Variants in DOCK1 observed in about 807,000 individuals in gnomAD.
The protein encoded by DOCK1 is dedicator of cytokinesis 1, also known as dedicator of cytokinesis protein 1.
Under a neutral mutation model 262.7 loss-of-function variants are expected in DOCK1, and 138 were observed. That is an observed-to-expected ratio of 0.53 (90% CI 0.46 to 0.61). The LOEUF (loss-of-function observed/expected upper bound fraction) is 0.61. Ranked by LOEUF, DOCK1 falls within the 20% of genes least tolerant of loss-of-function variation. DOCK1 has a pLI of 0.00. For missense variants in DOCK1, 1,908 were observed against 2,370.7 expected, an observed-to-expected ratio of 0.80 and a Z score of 4.05; for synonymous variants, 866 against 867.4, an observed-to-expected ratio of 1.00 and a Z score of 0.03.
chr10:127,121,734 G>A (rs535385471), intron 25 of DOCK1, among the ~76,000 whole-genome samples: 38 of 152,294 alleles, frequency 2.5e-4, no homozygotes, highest in Non-Finnish European at 5.3e-4. Context: ...TAGTGCAGCT[G>A]TAAGGCTTTA....
chr10:126,995,457 G>A lies in DOCK1; in HGVS notation c.474-1291G>A, dbSNP rs558427468. 2.7e-3 allele frequency among the ~76,000 whole-genome samples: 410 copies of A among 152,332 alleles called. 8 individuals are homozygous for A. The South Asian group carries it at 0.037, about 14-fold the overall frequency. ...AGCTGGAGACCAGCCGGGCCAACCC[G>A]GTGAAACCCCGTCTCCATCAAAAAA... On this transcript the variant is annotated intron_variant, in intron 6 of 51. Transcript: ENST00000623213. This position sits in a 1 kb window ranked among gnomAD's most constrained non-coding sequence, Gnocchi z 5.8.
intron 30 of DOCK1, among the ~76,000 whole-genome samples, chr10:127,340,679 G>A (rs1395459458): frequency 6.6e-6 from 1 of 152,106 alleles, no homozygotes; most frequent in Non-Finnish European, 1.5e-5. Context: ...CATGATTTTA[G>A]CAATTTGCCA....
chr10:127,104,473 T>G (rs1453595803), intron 23 of DOCK1, among the ~76,000 whole-genome samples: 7 of 152,220 alleles, frequency 4.6e-5, no homozygotes, highest in Non-Finnish European at 1.0e-4. Context: ...GTTTATTTAT[T>G]TGCTCATGGT....
chr10:127,253,490 C>G (rs954655973), intron 28 of DOCK1, among the ~76,000 whole-genome samples: 6 of 152,192 alleles, frequency 3.9e-5, no homozygotes, highest in Non-Finnish European at 8.8e-5. Context: ...AAGGGCTTAT[C>G]TGACCTTACT....
intron 31 of DOCK1, among the ~76,000 whole-genome samples, chr10:127,345,075 G>A (rs2386832): frequency 0.4 from 60,643 of 151,812 alleles, 12,996 homozygotes; most frequent in Middle Eastern, 0.54. Flanking sequence ...AGGCTATACC[G>A]TATGGCCGAT....
chr10:127,219,922 A>C (rs2058361784), intron 27 of DOCK1, among the ~76,000 whole-genome samples: 1 of 152,144 alleles, frequency 6.6e-6, no homozygotes, highest in Admixed American at 6.5e-5. Context: ...ACACCCTGGC[A>C]GTCCTGTGCA....
chr10:127,307,583 G>A (rs1048047733), intron 29 of DOCK1, among the ~76,000 whole-genome samples: 4 of 152,180 alleles, frequency 2.6e-5, no homozygotes, highest in African/African-American at 9.6e-5. Flanking sequence ...GGCCTGGCCT[G>A]GGGCAGAACA....
chr10:127,127,143 T>G (rs2050015132), intron 26 of DOCK1, among the ~76,000 whole-genome samples: 1 of 152,214 alleles, frequency 6.6e-6, no homozygotes, highest in African/African-American at 2.4e-5. Flanking sequence ...AGATTCATAG[T>G]TCACGAAGAA....
At chr10:127,123,098 C>A (rs966735844) in intron 25 of DOCK1, among the ~76,000 whole-genome samples, 1 of 152,226 alleles carries the variant, frequency 6.6e-6, no homozygotes, top group Non-Finnish European at 1.5e-5. Context: ...TCCTTCCAGC[C>A]TGTACTGGCT....
chr10:127,275,752 G>T, intron 29 of DOCK1, among the ~76,000 whole-genome samples: 1 of 134,850 alleles, frequency 7.4e-6, no homozygotes, highest in Non-Finnish European at 1.7e-5. Context: ...GTGTCAACCT[G>T]TGTGTAGATG....
chr10:126,975,206 G>A (rs1167368189), intron 2 of DOCK1, among the ~76,000 whole-genome samples: 12 of 152,102 alleles, frequency 7.9e-5, no homozygotes, highest in Non-Finnish European at 1.5e-4. Flanking sequence ...TAACTGCATC[G>A]TGTGCACATT....
Position 127,289,513 on chromosome 10 carries a change from G to A in DOCK1, c.3044+32084G>A, listed in dbSNP as rs531227639. Reference sequence around the variant, plus strand: ...ATGTAATTGGAAGGCAAATGCATATGACAATTTTGGTAAATAATACTCAAT... The same window carrying A: ...ATGTAATTGGAAGGCAAATGCATATAACAATTTTGGTAAATAATACTCAAT... On this transcript the variant is annotated intron_variant, in intron 29 of 51. Coordinates refer to ENST00000623213, the MANE Select transcript of DOCK1 (RefSeq NM_001290223.2). Among the ~76,000 whole-genome samples the A allele has an allele frequency of 7.9e-5, 12 of 152,206 alleles. No homozygotes were observed. The East Asian group carries it at 2.1e-3, about 27-fold the overall frequency.
chr10:127,362,701 A>G (rs943768502), intron 33 of DOCK1, among the ~76,000 whole-genome samples: 28 of 152,188 alleles, frequency 1.8e-4, no homozygotes, highest in Admixed American at 8.5e-4. Flanking sequence ...TGCTCAAAAC[A>G]TACTGTGACA....
At chr10:127,313,001 C>G (rs1450968813) in intron 29 of DOCK1, among the ~76,000 whole-genome samples, 7 of 152,286 alleles carry the variant, frequency 4.6e-5, no homozygotes, top group Non-Finnish European at 8.8e-5. Context: ...GCCTTGGCTC[C>G]CTGGCCCCTC....
intron 29 of DOCK1, among the ~76,000 whole-genome samples, chr10:127,263,939 G>T: frequency 6.6e-6 from 1 of 152,128 alleles, no homozygotes; most frequent in African/African-American, 2.4e-5. Context: ...GGAATGACCT[G>T]GTAGGAAGTG....
intron 10 of DOCK1, among the ~76,000 whole-genome samples, chr10:127,002,956 C>G (rs1286382495): frequency 6.6e-6 from 1 of 152,260 alleles, no homozygotes; most frequent in African/African-American, 2.4e-5. Context: ...GTGGCTTCTC[C>G]TCACTGCTCT....
At chr10:126,919,383 G>C (rs1040430717) in intron 1 of DOCK1, among the ~76,000 whole-genome samples, 2 of 152,162 alleles carry the variant, frequency 1.3e-5, no homozygotes, top group African/African-American at 2.4e-5. Context: ...AACTTCACAA[G>C]ATTTGTTTTC....
At chr10:127,301,282 G>A (rs1348567103) in intron 29 of DOCK1, among the ~76,000 whole-genome samples, 2 of 152,126 alleles carry the variant, frequency 1.3e-5, no homozygotes, top group South Asian at 2.1e-4. Context: ...GGTTTCTCCC[G>A]GGCTGCTTTT....
intron 51 of DOCK1, among the ~76,000 whole-genome samples, chr10:127,448,589 C>T (rs924780667): frequency 6.6e-6 from 1 of 152,156 alleles, no homozygotes; most frequent in African/African-American, 2.4e-5. Context: ...CTTCTAGGCT[C>T]AGGCCTCCCC....
Sources: gnomAD v4.1 joint callset for allele counts (sites outside exome capture counted in the v4.1 genomes callset) on GRCh38, gnomAD v4.1.1 for gene constraint, Gnocchi (gnomAD v3.1) non-coding constraint, MANE v1.5 for transcripts, NCBI Gene and HGNC (gene_info 2026-07-23, HGNC 2026-07-21) for gene names.